Variants in KCNQ1 observed in about 807,000 individuals in gnomAD.
KCNQ1 encodes potassium voltage-gated channel subfamily KQT member 1.
In KCNQ1, 49 loss-of-function variants were observed where a neutral mutation model predicts 72.4. The observed-to-expected ratio is 0.68, with a 90% confidence interval of 0.54 to 0.86. KCNQ1 has a LOEUF of 0.86. KCNQ1 is among the 40% of genes least tolerant of loss of function. The pLI is 0.00. For synonymous variants in KCNQ1, 450 were observed against 412.6 expected (o/e 1.09, Z -1.10); for missense variants, 790 against 945.1 (o/e 0.84, Z 2.15).
rs1846529776 is a variant in KCNQ1 at position 2,768,172 on chromosome 11, G to A, written c.1515-672G>A. On this transcript the variant is annotated intron_variant, in intron 11 of 15. Transcript: ENST00000155840. This position sits in a 1 kb window ranked among gnomAD's most constrained non-coding sequence, Gnocchi z 6.7. ...GCAGGCGTTAGCTTCACTGCCAGGA[G>A]GGAATCTCCTGTGGCCTCCATGGCG... Among the ~76,000 whole-genome samples the A allele has an allele frequency of 6.6e-6, 1 of 152,214 alleles. No individual in the cohort carries two copies. The highest frequency in any genetic ancestry group is 1.5e-5 in the Non-Finnish European group (1 of 68,034).
rs917421864 is a variant in KCNQ1 at position 2,745,458 on chromosome 11, G to C, written c.1515-23386G>C. 2.0e-5 allele frequency among the ~76,000 whole-genome samples: 3 copies of C among 152,140 alleles called. No individual in the cohort carries two copies. The highest frequency in any genetic ancestry group is 2.9e-5 in the Non-Finnish European group (2 of 68,020). ...TAAAGAAATGCCATTGATTTGGGGG[G>C]GTTGATCTCACACCTGACAACCATG... On this transcript the variant is annotated intron_variant, in intron 11 of 15. Transcript: ENST00000155840. This position sits in a 1 kb window ranked among gnomAD's most constrained non-coding sequence, Gnocchi z 6.2.
At chr11:2,796,180 A>G (rs750195893) in intron 15 of KCNQ1, among the ~76,000 whole-genome samples, 4 of 152,264 alleles carry the variant, frequency 2.6e-5, no homozygotes, top group South Asian at 2.1e-4. Context: ...ACCAAAATAC[A>G]CAGGGACTAT....
intron 11 of KCNQ1, chr11:2,681,444 GA>G: frequency 2.5e-6 from 1 of 398,454 alleles, no homozygotes; most frequent in Non-Finnish European, 4.4e-6. Context: ...GGGATTTTGG[GA>G]CCAGATAACC....
rs953013635 is a variant in KCNQ1, at chr11:2,681,339, T to C, written c.1514+19258T>C. 29 of 398,400 alleles carry C rather than the reference T, an allele frequency of 7.3e-5. No individual in the cohort carries two copies. In the Admixed American group the frequency reaches 1.1e-3, roughly 15 times the overall value. The allele number at this position is 398,400 out of a possible 1,614,324, so 24.7% of individuals were successfully genotyped here. ...TGTCTCTCTCCAACTGTGACCGTCT[T>C]TTCCTTGTAGCTCCCTGCTCACTCC... is the stretch of plus-strand genomic sequence containing the variant. On this transcript the variant is annotated intron_variant, in intron 11 of 15. Transcript: ENST00000155840.
Position 2,473,803 on chromosome 11 carries a change from C to A in KCNQ1, c.386+28319C>A, listed in dbSNP as rs1381731338. Among the ~76,000 whole-genome samples the A allele has an allele frequency of 6.6e-6, 1 of 152,246 alleles. No individual in the cohort carries two copies. Among genetic ancestry groups the A allele is most frequent in the Non-Finnish European group, 1.5e-5 (1 of 68,028 alleles). ...TGCACAGGTAGGGCCATGGGGCCCG[C>A]TGGCCAGGGTGGCCATTGCTCAGTG... On this transcript the variant is annotated intron_variant, in intron 1 of 15. Coordinates refer to ENST00000155840, the MANE Select transcript of KCNQ1 (RefSeq NM_000218.3). This position sits in a 1 kb window ranked among gnomAD's most constrained non-coding sequence, Gnocchi z 6.0.
chr11:2,842,416 C>T (rs778679772), intron 15 of KCNQ1, among the ~76,000 whole-genome samples: 6 of 152,246 alleles, frequency 3.9e-5, no homozygotes, highest in Non-Finnish European at 7.3e-5. Context: ...TTGCTCTCCA[C>T]GCAGCTTTGT....
chr11:2,782,845 C>A lies in KCNQ1; in HGVS notation c.1794+4808C>A, dbSNP rs1321884560. 6.6e-6 allele frequency among the ~76,000 whole-genome samples: 1 copy of A among 152,070 alleles called. No homozygotes were observed. Among genetic ancestry groups the A allele is most frequent in the South Asian group, 2.1e-4 (1 of 4,824 alleles). ...TAGTGGTCAAACTTGACACTATTCC[C>A]CTGTCTTATTAAATGTTTCGTGGAC... On this transcript the variant is annotated intron_variant, in intron 15 of 15. Transcript: ENST00000155840. The surrounding 1 kb of genome is among the most constrained non-coding windows in gnomAD (Gnocchi z 6.1).
At chr11:2,455,654 A>C (rs1349931179) in intron 1 of KCNQ1, among the ~76,000 whole-genome samples, 3 of 152,234 alleles carry the variant, frequency 2.0e-5, no homozygotes, top group Non-Finnish European at 4.4e-5. Context: ...CAATCTACAG[A>C]TTCAATGCTA....
At chr11:2,522,469 C>T (rs933466647) in intron 1 of KCNQ1, among the ~76,000 whole-genome samples, 9 of 152,152 alleles carry the variant, frequency 5.9e-5, no homozygotes, top group Non-Finnish European at 1.2e-4. Context: ...CAGGAGGGGA[C>T]ACAGGCACCC....
At chr11:2,467,466 G>C (rs1846368851) in intron 1 of KCNQ1, among the ~76,000 whole-genome samples, 1 of 152,204 alleles carries the variant, frequency 6.6e-6, no homozygotes, top group Non-Finnish European at 1.5e-5. Flanking sequence ...GTGTGGCCGG[G>C]GGCTCAGCTG....
At position 2,473,567 on chromosome 11, in the gene KCNQ1, A is replaced by G. The variant is rs553338668; in HGVS notation, c.386+28083A>G. Among the ~76,000 whole-genome samples, 1 of 152,334 alleles carries G rather than the reference A, an allele frequency of 6.6e-6. No homozygotes were observed. Among genetic ancestry groups the G allele is most frequent in the East Asian group, 1.9e-4 (1 of 5,178 alleles). On this transcript the variant is annotated intron_variant, in intron 1 of 15. Coordinates refer to ENST00000155840, the MANE Select transcript of KCNQ1 (RefSeq NM_000218.3). The surrounding 1 kb of genome is among the most constrained non-coding windows in gnomAD (Gnocchi z 6.0). ...CGTGGGACAGCGCTCAGCATGGCACAGACGCTCAGCCGTGTCATGTGGCTT... is the reference window on the plus strand; with the variant it reads ...CGTGGGACAGCGCTCAGCATGGCACGGACGCTCAGCCGTGTCATGTGGCTT...
intron 13 of KCNQ1, 104 bp from the exon 14 acceptor site, chr11:2,776,882 C>A: frequency 8.7e-7 from 1 of 1,148,856 alleles, no homozygotes; most frequent in Non-Finnish European, 1.3e-6. Flanking sequence ...GGTGGACAGT[C>A]CACTGTCTTG....
chr11:2,761,626 C>T (rs1179170370), intron 11 of KCNQ1, among the ~76,000 whole-genome samples: 1 of 152,214 alleles, frequency 6.6e-6, no homozygotes, highest in Non-Finnish European at 1.5e-5. Context: ...TGGCCCCATC[C>T]CAGGCCTCGC....
At position 2,781,255 on chromosome 11, in the gene KCNQ1, T is replaced by C. The variant is rs1846817752; in HGVS notation, c.1794+3218T>C. Among the ~76,000 whole-genome samples the C allele has an allele frequency of 6.6e-6, 1 of 152,132 alleles. No individual in the cohort carries two copies. The highest frequency in any genetic ancestry group is 2.1e-4 in the South Asian group (1 of 4,828). ...CTTTTACAGATGGGGAAACCGAGGC[T>C]CAGAGAGGCTGAGTGGTCGCCTGAG... On this transcript the variant is annotated intron_variant, in intron 15 of 15. Coordinates refer to ENST00000155840, the MANE Select transcript of KCNQ1 (RefSeq NM_000218.3). The surrounding 1 kb of genome is among the most constrained non-coding windows in gnomAD (Gnocchi z 6.6).
At chr11:2,716,322 C>G (rs146308145) in intron 11 of KCNQ1, among the ~76,000 whole-genome samples, 1 of 152,148 alleles carries the variant, frequency 6.6e-6, no homozygotes, top group African/African-American at 2.4e-5. Context: ...TGCTGCGGCT[C>G]TCAAGGAACC....
intron 15 of KCNQ1, among the ~76,000 whole-genome samples, chr11:2,795,190 G>A (rs1170579529): frequency 2.6e-5 from 4 of 152,324 alleles, no homozygotes; most frequent in East Asian, 1.9e-4. Context: ...CCCTACCCCC[G>A]ACCTCTCGGG....
At chr11:2,467,876 G>A (rs1846374573) in intron 1 of KCNQ1, among the ~76,000 whole-genome samples, 1 of 152,242 alleles carries the variant, frequency 6.6e-6, no homozygotes, top group South Asian at 2.1e-4. Context: ...ACCCGCACTG[G>A]GGCTGCTGTG....
At chr11:2,760,781 C>T (rs2133973164) in intron 11 of KCNQ1, among the ~76,000 whole-genome samples, 1 of 152,360 alleles carries the variant, frequency 6.6e-6, no homozygotes, top group South Asian at 2.1e-4. Flanking sequence ...TTTCCTTGTC[C>T]CCCTTGCAGG....
rs1847740017 is a variant in KCNQ1 at position 2,536,858 on chromosome 11, C to A, written c.477+8840C>A. 6.6e-6 allele frequency among the ~76,000 whole-genome samples: 1 copy of A among 152,040 alleles called. No individual in the cohort carries two copies. The highest frequency in any genetic ancestry group is 1.5e-5 in the Non-Finnish European group (1 of 68,018). On this transcript the variant is annotated intron_variant, in intron 2 of 15. Coordinates refer to ENST00000155840, the MANE Select transcript of KCNQ1 (RefSeq NM_000218.3). This position sits in a 1 kb window ranked among gnomAD's most constrained non-coding sequence, Gnocchi z 7.4. ...GACCCAGGTGTGGGCAGGGCTGGTT[C>A]TTCTGAGGCCCCTCCCGGCTTCTGA...
Sources: allele counts gnomAD v4.1 joint callset (sites outside exome capture counted in the v4.1 genomes callset), GRCh38; gene constraint gnomAD v4.1.1; non-coding constraint Gnocchi (gnomAD v3.1); transcripts MANE v1.5; gene names NCBI Gene and HGNC (gene_info 2026-07-23, HGNC 2026-07-21).